SPMIP7: variants seen among roughly 807,000 people sequenced by gnomAD.
SPMIP7 encodes the protein sperm microtubule inner protein 7.
chr7:50,157,468 C>T, the SPMIP7 span, among the ~76,000 whole-genome samples: 1 of 152,166 alleles, frequency 6.6e-6, no homozygotes, highest in African/African-American at 2.4e-5. Context: ...ATGTAACCTT[C>T]ACAGAAACTT....
chr7:50,117,671 T>A, the SPMIP7 span, among the ~76,000 whole-genome samples: 1 of 152,180 alleles, frequency 6.6e-6, no homozygotes, highest in Non-Finnish European at 1.5e-5. Flanking sequence ...TACTTTTTGT[T>A]TTTTGGTCTT....
At chr7:50,102,865 C>A in the SPMIP7 span, among the ~76,000 whole-genome samples, 1 of 151,300 alleles carries the variant, frequency 6.6e-6, no homozygotes, top group African/African-American at 2.4e-5. Flanking sequence ...TTTTATAACT[C>A]TGACAATAGT....
At chr7:50,098,628 G>A in the SPMIP7 span, among the ~76,000 whole-genome samples, 1 of 152,016 alleles carries the variant, frequency 6.6e-6, no homozygotes, top group Non-Finnish European at 1.5e-5. Flanking sequence ...TTTGATTGCT[G>A]GTAAAGACCT....
chr7:50,140,235 T>C, the SPMIP7 span: 4 of 1,142,874 alleles, frequency 3.5e-6, no homozygotes, highest in Middle Eastern at 2.0e-4. Context: ...ATTTTGGTTG[T>C]AGTTGCTTTC....
the SPMIP7 span, chr7:50,159,166 C>G: frequency 6.4e-7 from 1 of 1,551,386 alleles, no homozygotes; most frequent in Non-Finnish European, 8.7e-7. Flanking sequence ...CCATAGACTA[C>G]TAGAGGAGGC....
the SPMIP7 span, among the ~76,000 whole-genome samples, chr7:50,128,647 A>G: frequency 1.3e-5 from 2 of 152,028 alleles, no homozygotes; most frequent in African/African-American, 2.4e-5. Flanking sequence ...TAGTGGTAGA[A>G]TAGAAGGTAC....
the SPMIP7 span, among the ~76,000 whole-genome samples, chr7:50,131,836 G>GC: frequency 1.3e-5 from 2 of 152,068 alleles, no homozygotes; most frequent in African/African-American, 4.8e-5. Flanking sequence ...AAAACACATG[G>GC]CATGACACAG....
At chr7:50,139,241 C>T in the SPMIP7 span, among the ~76,000 whole-genome samples, 544 of 150,728 alleles carry the variant, frequency 3.6e-3, 1 homozygote, top group Non-Finnish European at 5.7e-3. Flanking sequence ...CACTGCTACT[C>T]GAGAGGCTGA....
the SPMIP7 span, among the ~76,000 whole-genome samples, chr7:50,105,950 T>C: frequency 6.6e-6 from 1 of 152,350 alleles, no homozygotes; most frequent in East Asian, 1.9e-4. Context: ...TACAAATTTA[T>C]GGCAAGATTC....
the SPMIP7 span, among the ~76,000 whole-genome samples, chr7:50,136,959 T>C: frequency 1.3e-5 from 2 of 152,180 alleles, no homozygotes; most frequent in Admixed American, 6.5e-5. Context: ...ACTTACACAA[T>C]GGAAAATTTC....
chr7:50,129,888 T>A, the SPMIP7 span: 1 of 768,776 alleles, frequency 1.3e-6, no homozygotes, highest in Non-Finnish European at 2.2e-6. Flanking sequence ...CTGGATCTTA[T>A]GAGTGACACA....
chr7:50,111,305 T>A, the SPMIP7 span, among the ~76,000 whole-genome samples: 1 of 151,998 alleles, frequency 6.6e-6, no homozygotes, highest in African/African-American at 2.4e-5. Context: ...TTCCTGCTTC[T>A]GCAGTGAAAT....
the SPMIP7 span, among the ~76,000 whole-genome samples, chr7:50,129,997 C>T: frequency 6.6e-6 from 1 of 151,860 alleles, no homozygotes; most frequent in African/African-American, 2.4e-5. Context: ...AGAATAAAAC[C>T]ATAACAGAAA....
At chr7:50,100,015 GA>G in the SPMIP7 span, among the ~76,000 whole-genome samples, 2 of 152,002 alleles carry the variant, frequency 1.3e-5, no homozygotes, top group African/African-American at 2.4e-5. Context: ...GGCTGAGAGA[GA>G]AGATTATTTA....
the SPMIP7 span, among the ~76,000 whole-genome samples, chr7:50,131,486 G>A: frequency 7.2e-5 from 11 of 152,306 alleles, no homozygotes; most frequent in African/African-American, 2.4e-4. Flanking sequence ...ATCAACCGGG[G>A]TGTCATGGCT....
At chr7:50,145,557 CATATATATATATGT>C in the SPMIP7 span, among the ~76,000 whole-genome samples, 2 of 71,344 alleles carry the variant, frequency 2.8e-5, no homozygotes, top group Non-Finnish European at 5.5e-5. Flanking sequence ...ATTATATATA[CATATATATATATGT>C]ATATATATAT....
the SPMIP7 span, among the ~76,000 whole-genome samples, chr7:50,155,324 T>C: frequency 0.28 from 42,906 of 151,750 alleles, 7,739 homozygotes; most frequent in Non-Finnish European, 0.42. Context: ...GCAAAGCTGG[T>C]AGACATTTAG....
At chr7:50,153,187 A>G in the SPMIP7 span, among the ~76,000 whole-genome samples, 1 of 152,232 alleles carries the variant, frequency 6.6e-6, no homozygotes, top group African/African-American at 2.4e-5. Flanking sequence ...CTGATGTAGG[A>G]GAGAGTTCCT....
the SPMIP7 span, among the ~76,000 whole-genome samples, chr7:50,120,572 G>A: frequency 6.6e-6 from 1 of 152,108 alleles, no homozygotes; most frequent in Admixed American, 6.6e-5. Flanking sequence ...TTAAAAGGTA[G>A]CCAACACTGC....
Sources: allele counts gnomAD v4.1 joint callset (sites outside exome capture counted in the v4.1 genomes callset), GRCh38; gene constraint gnomAD v4.1.1; transcripts MANE v1.5; gene names NCBI Gene and HGNC (gene_info 2026-07-23, HGNC 2026-07-21).